The following ZFHX3 variants were observed in gnomAD, a reference collection of about 807,000 sequenced individuals.
The protein encoded by ZFHX3 is zinc finger homeobox 3.
In ZFHX3, 42 loss-of-function variants were observed where a neutral mutation model predicts 279.1. The ratio of observed to expected loss-of-function variants is 0.15; its 90% CI spans 0.12 to 0.19. The LOEUF (loss-of-function observed/expected upper bound fraction) is 0.19, where lower values mean the gene tolerates loss of function less well. ZFHX3 is among the 10% of genes least tolerant of loss of function. The pLI, the probability that ZFHX3 is intolerant of heterozygous loss-of-function variation, is 1.00. For synonymous variants in ZFHX3, 2,293 were observed against 1,957.8 expected (o/e 1.17, Z -4.52); for missense variants, 4,981 against 4,754.0 (o/e 1.05, Z -1.40).
At chr16:73,685,855 G>C (rs993810261) in intron 1 of ZFHX3, among the ~76,000 whole-genome samples, 3 of 152,288 alleles carry the variant, frequency 2.0e-5, no homozygotes, top group Non-Finnish European at 4.4e-5. Flanking sequence ...GTGAGATCCA[G>C]ATAGGCTGTT....
intron 2 of ZFHX3, among the ~76,000 whole-genome samples, chr16:73,655,989 A>G (rs1351533781): frequency 2.6e-5 from 4 of 152,214 alleles, no homozygotes. Context: ...CAAGAATAAA[A>G]TATGTAAATA....
intron 2 of ZFHX3, among the ~76,000 whole-genome samples, chr16:73,630,471 A>G (rs975140043): frequency 6.6e-6 from 1 of 152,224 alleles, no homozygotes; most frequent in African/African-American, 2.4e-5. Flanking sequence ...ACACTAACCA[A>G]TGATTTCAGG....
rs148453229 is a variant in ZFHX3, at chr16:73,694,622, G to T, written c.-1607-14382C>A. 2.0e-5 allele frequency among the ~76,000 whole-genome samples: 3 copies of T among 152,248 alleles called. No homozygotes were observed. In the East Asian group the frequency reaches 5.8e-4, roughly 30 times the overall value. On this transcript the variant is annotated intron_variant, in intron 1 of 17. Transcript: ENST00000641206. The stretch of plus-strand genomic sequence containing the variant: ...CTCCCAAAGTGCTGGGATTACAGGC[G>T]TGAGCCACTGTGCCTGGCCAAAAAT...
chr16:73,532,098 T>TA (rs796511682), intron 2 of ZFHX3, among the ~76,000 whole-genome samples: 2,852 of 146,000 alleles, frequency 0.02, 77 homozygotes, highest in African/African-American at 0.066. Flanking sequence ...TAAAAAAGAT[T>TA]AAAAAAAAAA....
chr16:73,682,930 GAAAGAAAGAA>G (rs2053034732), intron 1 of ZFHX3, among the ~76,000 whole-genome samples: 7 of 31,804 alleles, frequency 2.2e-4, no homozygotes, highest in African/African-American at 8.6e-4. Context: ...GAAAGAGAAA[GAAAGAAAGAA>G]AGAAAGAAAG....
At chr16:73,025,070 G>T (rs1333505769) in intron 1 of ZFHX3, among the ~76,000 whole-genome samples, 1 of 152,218 alleles carries the variant, frequency 6.6e-6, no homozygotes, top group Non-Finnish European at 1.5e-5. Flanking sequence ...ATGGAGAGGA[G>T]AAAGTTCCCA....
At chr16:73,874,987 A>C (rs2029901815) in intron 1 of ZFHX3, among the ~76,000 whole-genome samples, 1 of 152,196 alleles carries the variant, frequency 6.6e-6, no homozygotes, top group Non-Finnish European at 1.5e-5. Flanking sequence ...CACTACATTG[A>C]AGAACGGTGA....
intron 3 of ZFHX3, among the ~76,000 whole-genome samples, chr16:72,890,945 G>A (rs912999110): frequency 1.3e-5 from 2 of 152,184 alleles, no homozygotes; most frequent in Non-Finnish European, 2.9e-5. Context: ...GAAAAGTTAA[G>A]CCAACCCCTG....
intron 4 of ZFHX3, among the ~76,000 whole-genome samples, chr16:73,298,497 GTCGT>G (rs901405556): frequency 1.4e-5 from 2 of 146,730 alleles, no homozygotes; most frequent in African/African-American, 5.2e-5. Context: ...TTATGTTGTC[GTCGT>G]TTTTTTTTTT....
intron 3 of ZFHX3, among the ~76,000 whole-genome samples, chr16:73,407,465 C>T (rs73592890): frequency 0.024 from 3,685 of 152,200 alleles, 68 homozygotes; most frequent in African/African-American, 0.051. Context: ...GCAGAGGACA[C>T]ATCAGTAGTC....
upstream of ZFHX3, among the ~76,000 whole-genome samples, chr16:73,063,230 T>G (rs1225641736): frequency 6.6e-6 from 1 of 152,206 alleles, no homozygotes; most frequent in Non-Finnish European, 1.5e-5. Context: ...AAGGGGCTGC[T>G]CTCATCCTGG....
chr16:72,877,032 T>A (rs1287953485), intron 4 of ZFHX3, among the ~76,000 whole-genome samples: 1 of 152,218 alleles, frequency 6.6e-6, no homozygotes, highest in Admixed American at 6.5e-5. Flanking sequence ...AATGACTGGA[T>A]GCCCTGCCCC....
intron 3 of ZFHX3, among the ~76,000 whole-genome samples, chr16:73,369,933 A>T (rs773499453): frequency 4.6e-5 from 7 of 152,160 alleles, no homozygotes; most frequent in Non-Finnish European, 8.8e-5. Context: ...AATTGTTTCA[A>T]TATATCGCTT....
At chr16:73,730,371 A>G (rs58869630) in intron 1 of ZFHX3, among the ~76,000 whole-genome samples, 7 of 118,892 alleles carry the variant, frequency 5.9e-5, no homozygotes, top group South Asian at 2.9e-4. Flanking sequence ...AAAAAAAAAA[A>G]AAAAGAAAAA....
intron 1 of ZFHX3, among the ~76,000 whole-genome samples, chr16:72,987,813 G>A (rs983657835): frequency 1.3e-5 from 2 of 152,110 alleles, no homozygotes; most frequent in Admixed American, 1.3e-4. Flanking sequence ...ATGGCCGGAG[G>A]GAATCTGAGG....
At chr16:72,848,384 C>T (rs551875222) in intron 4 of ZFHX3, among the ~76,000 whole-genome samples, 3 of 152,202 alleles carry the variant, frequency 2.0e-5, no homozygotes, top group South Asian at 4.2e-4. Flanking sequence ...ATGCAAATTG[C>T]CCATGGCATT....
intron 5 of ZFHX3, among the ~76,000 whole-genome samples, chr16:72,829,014 G>A (rs1257461698): frequency 1.3e-5 from 2 of 148,452 alleles, no homozygotes; most frequent in East Asian, 2.0e-4. Context: ...TTTTTTCCCC[G>A]AGATAGAGTC....
At chr16:73,322,802 T>TA (rs1310096859) in intron 3 of ZFHX3, among the ~76,000 whole-genome samples, 2 of 152,206 alleles carry the variant, frequency 1.3e-5, no homozygotes, top group Admixed American at 6.5e-5. Flanking sequence ...CTAAGAAGTA[T>TA]AAAAAAGAGT....
At chr16:72,962,802 T>C (rs930539326) in intron 1 of ZFHX3, among the ~76,000 whole-genome samples, 2 of 152,098 alleles carry the variant, frequency 1.3e-5, no homozygotes, top group Non-Finnish European at 2.9e-5. Flanking sequence ...CCTTGGTACC[T>C]GTATTGCTAG....
Sources: allele counts gnomAD v4.1 joint callset (sites outside exome capture counted in the v4.1 genomes callset), GRCh38; gene constraint gnomAD v4.1.1; transcripts MANE v1.5; gene names NCBI Gene and HGNC (gene_info 2026-07-23, HGNC 2026-07-21).